Variants in TGFBR1 observed in about 807,000 individuals in gnomAD.
The protein encoded by TGFBR1 is transforming growth factor beta receptor 1.
Under a neutral mutation model 55.1 loss-of-function variants are expected in TGFBR1, and 20 were observed. The observed-to-expected ratio is 0.36, with a 90% confidence interval of 0.26 to 0.53. TGFBR1 has a LOEUF of 0.53. Among genes scored for constraint, TGFBR1 ranks in the 20% least tolerant of loss-of-function variants. TGFBR1 has a pLI of 0.91. For synonymous variants in TGFBR1, 220 were observed against 214.8 expected, an observed-to-expected ratio of 1.02 and a Z score of -0.21; for missense variants, 385 against 617.6, an observed-to-expected ratio of 0.62 and a Z score of 3.99.
At chr9:99,112,353 C>A (rs535773380) in intron 1 of TGFBR1, among the ~76,000 whole-genome samples, 4 of 152,322 alleles carry the variant, frequency 2.6e-5, no homozygotes, top group African/African-American at 7.2e-5. Context: ...TCCTGCAAGT[C>A]TTTGCTCAGA....
Position 99,128,824 on chromosome 9 carries a change from A to AT in TGFBR1, c.98-25dup, listed in dbSNP as rs778549412. The stretch of plus-strand genomic sequence containing the variant: ...ATAATTTCAAACTGTTAACCTTGAG[A>AT]TTTTTTCTAAGAATCTTTCTCTTTT... On this transcript the variant is annotated intron_variant, in intron 1 of 8. Transcript: ENST00000374994. 1.1e-4 allele frequency: 174 copies of AT among 1,612,572 alleles called. 1 individual carries two copies. Among genetic ancestry groups the AT allele is most frequent in the South Asian group, 2.1e-4 (19 of 90,958 alleles).
At chr9:99,146,670 T>G in intron 7 of TGFBR1, 61 bp downstream of exon 7, 2 of 1,609,404 alleles carry the variant, frequency 1.2e-6, no homozygotes, top group South Asian at 2.2e-5. Flanking sequence ...AAGAATTGTC[T>G]TCTTTTTTTA....
chr9:99,142,783 G>GC, intron 5 of TGFBR1, 80 bp downstream of exon 5: 1 of 1,525,408 alleles, frequency 6.6e-7, no homozygotes, highest in Non-Finnish European at 9.0e-7. Context: ...TGGAGGCTGG[G>GC]CCTGGTGGCT....
Position 99,153,415 on chromosome 9 carries a change from T to C in TGFBR1, c.*4110T>C, listed in dbSNP as rs201831473. On this transcript the variant is annotated 3_prime_UTR_variant, in exon 9 of 9. Transcript: ENST00000374994. ...AGTGTAATCTCTGCCTTTTAAGATA[T>C]GTACAGAAAATGTCCATATAAATTT... The C allele has an allele frequency of 1.4e-5, 3 of 214,040 alleles. No individual in the cohort carries two copies. The highest frequency in any genetic ancestry group is 2.8e-5 in the Non-Finnish European group (3 of 105,576). The allele number at this position is 214,040 out of a possible 1,614,324, so 13.3% of individuals were successfully genotyped here.
intron 3 of TGFBR1, among the ~76,000 whole-genome samples, chr9:99,137,288 T>C (rs1379861314): frequency 6.6e-6 from 1 of 152,210 alleles, no homozygotes; most frequent in Non-Finnish European, 1.5e-5. Flanking sequence ...CCTTTTTTCC[T>C]CCCATCAGTG....
At chr9:99,132,869 T>A in intron 3 of TGFBR1, 130 bp downstream of exon 3, 1 of 1,286,870 alleles carries the variant, frequency 7.8e-7, no homozygotes, top group Non-Finnish European at 1.1e-6. Context: ...GGTTTGAACC[T>A]AATAAAAATC....
At position 99,122,447 on chromosome 9, in the gene TGFBR1, C is replaced by T. The variant is rs1345949558; in HGVS notation, c.98-6408C>T. ...TTAATAGTGCTTCCATATGTGACCTCGAGACGTACTGAAATGAGGCAACCA... is the reference window on the plus strand; with the variant it reads ...TTAATAGTGCTTCCATATGTGACCTTGAGACGTACTGAAATGAGGCAACCA... On this transcript the variant is annotated intron_variant, in intron 1 of 8. Coordinates refer to ENST00000374994, the MANE Select transcript of TGFBR1 (RefSeq NM_004612.4). Among the ~76,000 whole-genome samples the T allele has an allele frequency of 2.6e-5, 4 of 152,114 alleles. No individual in the cohort carries two copies. The South Asian group carries it at 6.2e-4, about 24-fold the overall frequency.
At chr9:99,131,344 A>G (rs1270801400) in intron 2 of TGFBR1, among the ~76,000 whole-genome samples, 1 of 152,132 alleles carries the variant, frequency 6.6e-6, no homozygotes. Flanking sequence ...TGCCACAACT[A>G]AGTTCAGTGT....
intron 1 of TGFBR1, among the ~76,000 whole-genome samples, chr9:99,106,545 ATTAT>A (rs1296253984): frequency 1.3e-5 from 2 of 152,190 alleles, no homozygotes; most frequent in Non-Finnish European, 2.9e-5. Context: ...GTATAATTAC[ATTAT>A]TTAATCACCA....
intron 1 of TGFBR1, among the ~76,000 whole-genome samples, chr9:99,126,061 G>A (rs1042574158): frequency 1.3e-5 from 2 of 152,120 alleles, no homozygotes; most frequent in Non-Finnish European, 2.9e-5. Flanking sequence ...GTAAGGGCGA[G>A]GTTTAGAGCA....
chr9:99,148,733 G>A (rs972005464), intron 8 of TGFBR1, among the ~76,000 whole-genome samples: 1 of 152,114 alleles, frequency 6.6e-6, no homozygotes, highest in Non-Finnish European at 1.5e-5. Flanking sequence ...TTGGGAGGCT[G>A]AAGTGGGAGG....
At chr9:99,138,800 C>T (rs1167372952) in intron 4 of TGFBR1, among the ~76,000 whole-genome samples, 1 of 151,730 alleles carries the variant, frequency 6.6e-6, no homozygotes, top group Non-Finnish European at 1.5e-5. Context: ...CCCATGATTC[C>T]TACTTTTTTT....
chr9:99,115,018 C>T (rs538430504), intron 1 of TGFBR1, among the ~76,000 whole-genome samples: 27 of 152,114 alleles, frequency 1.8e-4, no homozygotes, highest in East Asian at 1.9e-4. Flanking sequence ...AAGATAGGCA[C>T]GTACATTAGC....
upstream of TGFBR1, chr9:99,105,108 G>A (rs1826361795): frequency 2.1e-6 from 2 of 965,302 alleles, no homozygotes; most frequent in African/African-American, 1.7e-5. Flanking sequence ...GAGCGAGGCC[G>A]CCGCGGCGGC....
intron 5 of TGFBR1, among the ~76,000 whole-genome samples, chr9:99,144,161 G>C (rs186688420): frequency 2.0e-5 from 3 of 152,272 alleles, no homozygotes; most frequent in Non-Finnish European, 4.4e-5. Flanking sequence ...ATACCTAGGA[G>C]TTGAATTACT....
chr9:99,118,043 G>C (rs1826797617), intron 1 of TGFBR1, among the ~76,000 whole-genome samples: 1 of 151,974 alleles, frequency 6.6e-6, no homozygotes. Flanking sequence ...TATTTTTTAA[G>C]CTTTCTCTGC....
At chr9:99,146,423 G>A in intron 6 of TGFBR1, 62 bp from the exon 7 acceptor site, 1 of 1,597,386 alleles carries the variant, frequency 6.3e-7, no homozygotes, top group Non-Finnish European at 8.6e-7. Flanking sequence ...CTGAAAGGAG[G>A]TTCATCCAAA....
chr9:99,120,156 A>AAT (rs1261416574), intron 1 of TGFBR1, among the ~76,000 whole-genome samples: 1 of 152,216 alleles, frequency 6.6e-6, no homozygotes, highest in Non-Finnish European at 1.5e-5. Context: ...TTTAGGTTCA[A>AAT]ATAAGTTAAG....
intron 3 of TGFBR1, 49 bp downstream of exon 3, chr9:99,132,788 G>A (rs983410646): frequency 1.2e-6 from 2 of 1,609,734 alleles, no homozygotes; most frequent in African/African-American, 1.3e-5. Context: ...TTAAAATTAA[G>A]CGATACTTAT....
Sources: allele counts gnomAD v4.1 joint callset (sites outside exome capture counted in the v4.1 genomes callset), GRCh38; gene constraint gnomAD v4.1.1; transcripts MANE v1.5; gene names NCBI Gene and HGNC (gene_info 2026-07-23, HGNC 2026-07-21).